LRRC28: variants seen among roughly 807,000 people sequenced by gnomAD.
LRRC28 encodes leucine rich repeat containing 28, also known as leucine-rich repeat-containing protein 28.
A neutral mutation model predicts 45.7 loss-of-function variants in LRRC28; 39 were observed. The ratio of observed to expected loss-of-function variants is 0.85; its 90% CI spans 0.66 to 1.12. LRRC28 has a LOEUF of 1.12. LRRC28 is among the 50% of genes most tolerant of loss of function. The pLI is 0.00. For missense variants in LRRC28, 435 were observed against 438.5 expected (o/e 0.99, Z 0.07); for synonymous variants, 206 against 178.8 (o/e 1.15, Z -1.22).
At chr15:99,261,663 A>G (rs1021239509) in intron 2 of LRRC28, among the ~76,000 whole-genome samples, 1 of 151,248 alleles carries the variant, frequency 6.6e-6, no homozygotes, top group Non-Finnish European at 1.5e-5. Context: ...TTTTAATTTT[A>G]ATTTTTTTTT....
At chr15:99,348,113 T>G (rs1956754126) in intron 6 of LRRC28, among the ~76,000 whole-genome samples, 1 of 152,206 alleles carries the variant, frequency 6.6e-6, no homozygotes, top group Non-Finnish European at 1.5e-5. Flanking sequence ...TGCCCATTAT[T>G]TAATTGAGTT....
chr15:99,346,996 T>C (rs1003856843), intron 6 of LRRC28, among the ~76,000 whole-genome samples: 12 of 152,166 alleles, frequency 7.9e-5, no homozygotes, highest in Non-Finnish European at 1.5e-4. Flanking sequence ...CAAATGAACA[T>C]ATCTATCATC....
intron 3 of LRRC28, among the ~76,000 whole-genome samples, chr15:99,279,587 C>A (rs905578769): frequency 6.6e-6 from 1 of 152,224 alleles, no homozygotes; most frequent in Non-Finnish European, 1.5e-5. Context: ...CTTGCTACTG[C>A]TTTTCTCTTT....
At chr15:99,256,264 A>G (rs902369608) in intron 2 of LRRC28, 139 bp downstream of exon 2, 9 of 586,716 alleles carry the variant, frequency 1.5e-5, no homozygotes, top group Non-Finnish European at 2.1e-5. Flanking sequence ...ATACACACAC[A>G]GGGGTTTCTC....
chr15:99,335,498 T>A (rs1956292234), intron 6 of LRRC28, among the ~76,000 whole-genome samples: 1 of 152,120 alleles, frequency 6.6e-6, no homozygotes, highest in African/African-American at 2.4e-5. Context: ...ACTTAAAAAA[T>A]TTTTATTCTT....
chr15:99,320,943 G>A (rs1275412300), intron 5 of LRRC28, among the ~76,000 whole-genome samples: 1 of 152,102 alleles, frequency 6.6e-6, no homozygotes, highest in Admixed American at 6.6e-5. Flanking sequence ...ATCTAATCGA[G>A]TTTCTAAATA....
At chr15:99,261,962 CACCTTTTAA>C (rs2081210625) in intron 2 of LRRC28, among the ~76,000 whole-genome samples, 3 of 152,104 alleles carry the variant, frequency 2.0e-5, no homozygotes, top group Non-Finnish European at 4.4e-5. Context: ...CGGCTGGTCT[CACCTTTTAA>C]CACCATCATC....
rs67593137 is a variant in LRRC28 at position 99,288,371 on chromosome 15, CTTTTTTTT to C, written c.385+442_385+449del. 9.8e-3 allele frequency among the ~76,000 whole-genome samples: 814 copies of C among 82,910 alleles called. 4 individuals carry two copies. Among genetic ancestry groups the C allele is most frequent in the Non-Finnish European group, 0.014 (619 of 44,726 alleles). The allele number at this position is 82,910 out of a possible 152,430, so 54.4% of individuals were successfully genotyped here. A position where few individuals can be genotyped will look rare whatever the true frequency, so the allele number is the denominator to read the frequency against. On this transcript the variant is annotated intron_variant, in intron 5 of 9. Coordinates refer to ENST00000301981, the MANE Select transcript of LRRC28 (RefSeq NM_144598.5). ...TAGTGAGGTAACTAATGTACATTAA[CTTTTTTTT>C]TTTTTTTTTTTTTTTTTTTTTGAGA... is the stretch of plus-strand genomic sequence containing the variant.
intron 5 of LRRC28, among the ~76,000 whole-genome samples, chr15:99,309,627 T>C (rs1955328178): frequency 1.3e-5 from 2 of 152,228 alleles, no homozygotes; most frequent in Admixed American, 6.5e-5. Flanking sequence ...CAGGCTGGTC[T>C]TGAACTCCTG....
chr15:99,324,601 T>C (rs528471751), intron 5 of LRRC28, among the ~76,000 whole-genome samples: 2 of 152,336 alleles, frequency 1.3e-5, no homozygotes, highest in African/African-American at 4.8e-5. Context: ...ACTTACTGTG[T>C]TTTTCTTTTG....
chr15:99,258,261 AAC>A, intron 2 of LRRC28: 2 of 1,573,914 alleles, frequency 1.3e-6, no homozygotes, highest in South Asian at 1.1e-5. Flanking sequence ...GTCACTTCAA[AAC>A]ACAACAACGA....
chr15:99,372,878 A>G (rs888878752), intron 9 of LRRC28, among the ~76,000 whole-genome samples: 2 of 152,128 alleles, frequency 1.3e-5, no homozygotes, highest in African/African-American at 2.4e-5. Context: ...CTTAACAATC[A>G]TGGCTCGAGG....
At chr15:99,262,443 A>G (rs1482718555) in intron 2 of LRRC28, among the ~76,000 whole-genome samples, 1 of 152,084 alleles carries the variant, frequency 6.6e-6, no homozygotes, top group Non-Finnish European at 1.5e-5. Flanking sequence ...TTAGCTAGGC[A>G]TGGTGGTGCG....
intron 3 of LRRC28, among the ~76,000 whole-genome samples, chr15:99,281,379 A>T (rs2081785987): frequency 6.6e-6 from 1 of 151,978 alleles, no homozygotes. Flanking sequence ...AGCCTCCCAA[A>T]GCTCTGGGAT....
Position 99,386,247 on chromosome 15 carries a change from T to C in LRRC28, c.*145T>C. Reference sequence around the variant, plus strand: ...TCATGATTGAGCTTCAGAGCTAAAATGCCTTCACCCTTCCCCCAAGTTGGA... The same window carrying C: ...TCATGATTGAGCTTCAGAGCTAAAACGCCTTCACCCTTCCCCCAAGTTGGA... On this transcript the variant is annotated 3_prime_UTR_variant, in exon 10 of 10. Coordinates refer to ENST00000301981, the MANE Select transcript of LRRC28 (RefSeq NM_144598.5). 1.5e-6 allele frequency: 1 copy of C among 651,244 alleles called. No homozygotes were observed. The highest frequency in any genetic ancestry group is 2.2e-5 in the South Asian group (1 of 45,108). The allele number at this position is 651,244 out of a possible 1,614,324, so 40.3% of individuals were successfully genotyped here.
At chr15:99,314,702 C>G (rs1258449644) in intron 5 of LRRC28, among the ~76,000 whole-genome samples, 1 of 152,152 alleles carries the variant, frequency 6.6e-6, no homozygotes, top group Admixed American at 6.5e-5. Context: ...TGTATGAAAG[C>G]CTTCTTACCC....
At chr15:99,354,328 C>A (rs1377790122) in intron 7 of LRRC28, among the ~76,000 whole-genome samples, 1 of 152,168 alleles carries the variant, frequency 6.6e-6, no homozygotes, top group Non-Finnish European at 1.5e-5. Flanking sequence ...TAGATGATAA[C>A]TACTGAAGCT....
chr15:99,284,176 A>C (rs2081892231), intron 3 of LRRC28, among the ~76,000 whole-genome samples: 1 of 152,156 alleles, frequency 6.6e-6, no homozygotes, highest in African/African-American at 2.4e-5. Flanking sequence ...GTACATCAGG[A>C]TTATTTGAGT....
intron 2 of LRRC28, among the ~76,000 whole-genome samples, chr15:99,260,838 T>G (rs537969275): frequency 6.6e-6 from 1 of 152,366 alleles, no homozygotes; most frequent in African/African-American, 2.4e-5. Context: ...ATTGCTTAAT[T>G]GGCCTTTTAC....
Sources: gnomAD v4.1 joint callset for allele counts (sites outside exome capture counted in the v4.1 genomes callset) on GRCh38, gnomAD v4.1.1 for gene constraint, MANE v1.5 for transcripts, NCBI Gene and HGNC (gene_info 2026-07-23, HGNC 2026-07-21) for gene names.